The following NLGN4Y variants were observed in gnomAD, a reference collection of about 807,000 sequenced individuals.
The protein encoded by NLGN4Y is neuroligin-4, Y-linked.
In NLGN4Y, 4 loss-of-function variants were observed where a neutral mutation model predicts 8.4. The observed-to-expected ratio is 0.48, with a 90% CI of 0.23 to 1.09. NLGN4Y has a LOEUF of 1.09. NLGN4Y is among the 50% of genes least tolerant of loss of function. NLGN4Y has a pLI of 0.19. For synonymous variants in NLGN4Y, 35 were observed against 75.6 expected, an observed-to-expected ratio of 0.46 and a Z score of 2.78; for missense variants, 90 against 192.3, an observed-to-expected ratio of 0.47 and a Z score of 3.15.
At position 14,525,562 on chromosome Y, in the gene NLGN4Y, G is replaced by C; in HGVS notation, c.-112+854G>C. 9.0e-5 allele frequency among the ~76,000 whole-genome samples: 3 copies of C among 33,491 alleles called. No individual in the cohort carries two copies. The South Asian group carries it at 2.1e-3, about 23-fold the overall frequency. The allele number at this position is 33,491 out of a possible 37,273, so 89.9% of individuals were successfully genotyped here. ...ATTAAGAAATTTGGGGTGGGGGTTG[G>C]GTAGGGGTTTTGAAACTAAGCAGGT... On this transcript the variant is annotated intron_variant, in intron 1 of 6. Transcript: ENST00000684976.
intron 1 of NLGN4Y, among the ~76,000 whole-genome samples, chrY:14,573,009 T>G (rs2080278462): frequency 6.0e-5 from 2 of 33,524 alleles, no homozygotes; most frequent in Non-Finnish European, 1.5e-4. Context: ...AGTATTTTAT[T>G]GAGGATTTTT....
At chrY:14,717,327 G>T (rs2080919071) in intron 2 of NLGN4Y, among the ~76,000 whole-genome samples, 1 of 32,831 alleles carries the variant, frequency 3.0e-5, no homozygotes, top group Non-Finnish European at 7.5e-5. Flanking sequence ...TCAGGAGGCG[G>T]AGCTGGCAGT....
At chrY:14,549,939 A>G (rs2080185982) in intron 1 of NLGN4Y, among the ~76,000 whole-genome samples, 1 of 33,616 alleles carries the variant, frequency 3.0e-5, no homozygotes, top group Non-Finnish European at 7.4e-5. Flanking sequence ...CCTTCACCCC[A>G]TCTGCTCCTA....
At chrY:14,596,859 GATTGTCTCACCGCTTGGCA>G (rs2080402466) in intron 1 of NLGN4Y, among the ~76,000 whole-genome samples, 1 of 32,927 alleles carries the variant, frequency 3.0e-5, no homozygotes, top group Non-Finnish European at 7.4e-5. Context: ...ACCGCTTGGC[GATTGTCTCACCGCTTGGCA>G]ATAGGCGATG....
chrY:14,673,920 A>G, intron 2 of NLGN4Y, among the ~76,000 whole-genome samples: 1 of 31,997 alleles, frequency 3.1e-5, no homozygotes, highest in Non-Finnish European at 7.6e-5. Context: ...TCAGTAAACT[A>G]TCACAAGAAC....
At chrY:14,800,036 C>T (rs901037104) in intron 4 of NLGN4Y, among the ~76,000 whole-genome samples, 3 of 33,346 alleles carry the variant, frequency 9.0e-5, no homozygotes, top group Non-Finnish European at 1.5e-4. Context: ...ACTTCCAGCC[C>T]ATCACTATGT....
At position 14,592,869 on chromosome Y, in the gene NLGN4Y, G is replaced by A. The variant is rs564983692; in HGVS notation, c.-111-29140G>A. The stretch of plus-strand genomic sequence containing the variant: ...GCCCATACAGCATTTCATATGGACT[G>A]AGCCCTATTTTGTGGGGAGAATTTC... On this transcript the variant is annotated intron_variant, in intron 1 of 6. Coordinates refer to ENST00000684976, the MANE Select transcript of NLGN4Y (RefSeq NM_001365588.1). 4.8e-4 allele frequency among the ~76,000 whole-genome samples: 16 copies of A among 33,205 alleles called. No homozygotes were observed. The East Asian group carries it at 0.011, about 23-fold the overall frequency. The allele number at this position is 33,205 out of a possible 37,273, so 89.1% of individuals were successfully genotyped here.
chrY:14,630,534 C>G (rs2080544954), intron 2 of NLGN4Y, among the ~76,000 whole-genome samples: 1 of 33,480 alleles, frequency 3.0e-5, no homozygotes, highest in Non-Finnish European at 7.4e-5. Context: ...GTTTGTTGTT[C>G]CAAGCTTACT....
Position 14,693,407 on chromosome Y carries a change from T to A in NLGN4Y, c.473-26052T>A, listed in dbSNP as rs2150538199. The stretch of plus-strand genomic sequence containing the variant: ...TTACTCTAGAGAGCCATGTAAAAAA[T>A]TTAATTTCTGTTTTTATAATTTATT... On this transcript the variant is annotated intron_variant, in intron 2 of 6. Coordinates refer to ENST00000684976, the MANE Select transcript of NLGN4Y (RefSeq NM_001365588.1). 1.5e-4 allele frequency among the ~76,000 whole-genome samples: 5 copies of A among 32,460 alleles called. No homozygotes were observed. In the East Asian group the frequency reaches 3.3e-3, roughly 21 times the overall value. 87.1% of individuals were successfully genotyped at this position (32,460 alleles called of 37,273 possible). A position where few individuals can be genotyped will look rare whatever the true frequency, so the allele number is the denominator to read the frequency against.
chrY:14,600,227 C>T, intron 1 of NLGN4Y, among the ~76,000 whole-genome samples: 1 of 31,063 alleles, frequency 3.2e-5, no homozygotes, highest in Non-Finnish European at 7.7e-5. Flanking sequence ...CAATTAAGCT[C>T]CTGTTTCATG....
intron 2 of NLGN4Y, among the ~76,000 whole-genome samples, chrY:14,684,426 G>A (rs764735654): frequency 3.1e-5 from 1 of 32,714 alleles, no homozygotes; most frequent in Admixed American, 2.8e-4. Context: ...TGCTTCAAGG[G>A]TACAGATCCT....
At chrY:14,754,433 T>C in intron 4 of NLGN4Y, among the ~76,000 whole-genome samples, 1 of 33,701 alleles carries the variant, frequency 3.0e-5, no homozygotes, top group African/African-American at 1.2e-4. Flanking sequence ...TTCAGATGTG[T>C]ACTTTTGAAT....
Position 14,844,817 on chromosome Y carries a change from G to A in NLGN4Y, c.*3555G>A, listed in dbSNP as rs973286077. On this transcript the variant is annotated 3_prime_UTR_variant, in exon 7 of 7. Coordinates refer to ENST00000684976, the MANE Select transcript of NLGN4Y (RefSeq NM_001365588.1). ...GTACATGTATGTGTACATTATATAT[G>A]AGTATACATGTACCTATCCTATATA... The A allele has an allele frequency of 2.1e-4, 7 of 33,639 alleles. No homozygotes were observed. The highest frequency in any genetic ancestry group is 6.9e-4 in the African/African-American group (6 of 8,675). 8.4% of individuals were successfully genotyped at this position (33,639 alleles called of 400,897 possible). A position where few individuals can be genotyped will look rare whatever the true frequency, so the allele number is the denominator to read the frequency against.
chrY:14,843,377 A>G lies in NLGN4Y; in HGVS notation c.*2115A>G. The G allele has an allele frequency of 8.4e-6, 1 of 119,442 alleles. No homozygotes were observed. Among genetic ancestry groups the G allele is most frequent in the Non-Finnish European group, 1.8e-5 (1 of 55,737 alleles). 29.8% of individuals were successfully genotyped at this position (119,442 alleles called of 400,897 possible). A position where few individuals can be genotyped will look rare whatever the true frequency, so the allele number is the denominator to read the frequency against. On this transcript the variant is annotated 3_prime_UTR_variant, in exon 7 of 7. Transcript: ENST00000684976. ...TTTTTCATAGATCTATAATCAGGCA[A>G]TTTCTGCAAGCAATGTATGACCCCA...
chrY:14,701,894 A>G (rs1044142022), intron 2 of NLGN4Y, among the ~76,000 whole-genome samples: 16 of 33,119 alleles, frequency 4.8e-4, no homozygotes, highest in African/African-American at 1.8e-3. Context: ...TTTCCTTACC[A>G]CTGGAGAGAT....
intron 6 of NLGN4Y, among the ~76,000 whole-genome samples, chrY:14,831,817 C>T: frequency 3.1e-5 from 1 of 31,960 alleles, no homozygotes; most frequent in Non-Finnish European, 7.5e-5. Context: ...CACATACACA[C>T]ACATATGTCA....
chrY:14,632,500 G>T, intron 2 of NLGN4Y, among the ~76,000 whole-genome samples: 2 of 33,804 alleles, frequency 5.9e-5, no homozygotes, highest in South Asian at 6.6e-4. Flanking sequence ...ATATTAAAGA[G>T]AAATTAATTC....
At chrY:14,587,237 T>C (rs2080344769) in intron 1 of NLGN4Y, among the ~76,000 whole-genome samples, 2 of 34,249 alleles carry the variant, frequency 5.8e-5, no homozygotes, top group Non-Finnish European at 1.5e-4. Flanking sequence ...TCTATAATTG[T>C]TTATTTTGTT....
chrY:14,784,364 C>G (rs2042953080), intron 4 of NLGN4Y, among the ~76,000 whole-genome samples: 1 of 33,849 alleles, frequency 3.0e-5, no homozygotes, highest in Non-Finnish European at 7.4e-5. Flanking sequence ...GAAATTGTAT[C>G]AAAAAGACAC....
Sources: allele counts gnomAD v4.1 joint callset (sites outside exome capture counted in the v4.1 genomes callset), GRCh38; gene constraint gnomAD v4.1.1; transcripts MANE v1.5; gene names NCBI Gene and HGNC (gene_info 2026-07-23, HGNC 2026-07-21).